Variants in RBX1 observed in about 807,000 individuals in gnomAD.
The protein encoded by RBX1 is E3 ubiquitin-protein ligase RBX1.
For synonymous variants in RBX1, 48 were observed against 47.9 expected, an observed-to-expected ratio of 1.00 and a Z score of -0.01; for missense variants, 46 against 141.4, an observed-to-expected ratio of 0.33 and a Z score of 3.42.
At chr22:40,972,299 G>A (rs2058371245) in intron 4 of RBX1, among the ~76,000 whole-genome samples, 177 bp from the exon 5 acceptor site, 1 of 152,198 alleles carries the variant, frequency 6.6e-6, no homozygotes, top group African/African-American at 2.4e-5. Flanking sequence ...GTAAGATGGG[G>A]AGGGGAAAGG....
intron 1 of RBX1, 85 bp downstream of exon 1, chr22:40,951,561 T>C (rs1453577622): frequency 7.5e-7 from 1 of 1,328,860 alleles, no homozygotes; most frequent in Non-Finnish European, 1.0e-6. Context: ...AGGCGCGGAG[T>C]AAAGGGTTTC....
intron 3 of RBX1, chr22:40,967,062 T>G (rs2058356264): frequency 6.6e-6 from 1 of 152,194 alleles, no homozygotes; most frequent in Non-Finnish European, 1.5e-5. Flanking sequence ...GTCTTGATTA[T>G]GAAATAAGCC....
At chr22:40,954,079 G>A (rs1008772633) in intron 2 of RBX1, among the ~76,000 whole-genome samples, 1 of 152,090 alleles carries the variant, frequency 6.6e-6, no homozygotes, top group African/African-American at 2.4e-5. Context: ...GACCAACCTG[G>A]CCAACATGGT....
At chr22:40,966,882 A>G (rs2058355789) in intron 3 of RBX1, 1 of 152,214 alleles carries the variant, frequency 6.6e-6, no homozygotes, top group Non-Finnish European at 1.5e-5. Flanking sequence ...CCTAATACGC[A>G]CATGAGCAGG....
rs533359261 is a variant in RBX1 at position 40,965,638 on chromosome 22, G to A, written c.228+1521G>A. On this transcript the variant is annotated intron_variant, in intron 3 of 4. Transcript: ENST00000216225. ...GTATTTTTAGTAGAGATGGGGTTTCGCCATGTTGGCCAGGCTGGTCTTAAA... is the reference window on the plus strand; with the variant it reads ...GTATTTTTAGTAGAGATGGGGTTTCACCATGTTGGCCAGGCTGGTCTTAAA... Among the ~76,000 whole-genome samples, 51 of 152,020 alleles carry A rather than the reference G, an allele frequency of 3.4e-4. No individual in the cohort carries two copies. The South Asian group carries it at 7.3e-3, about 22-fold the overall frequency.
chr22:40,971,290 C>T (rs1409438211), intron 4 of RBX1, among the ~76,000 whole-genome samples: 3 of 152,142 alleles, frequency 2.0e-5, no homozygotes, highest in South Asian at 2.1e-4. Context: ...TAATCTGATA[C>T]GATTGTTCTA....
intron 3 of RBX1, chr22:40,967,598 C>T: frequency 2.0e-6 from 1 of 499,036 alleles, no homozygotes; most frequent in South Asian, 2.5e-5. Context: ...GTAGTAATGA[C>T]ATTTCTAACA....
rs373497179 is a variant in RBX1 at position 40,972,463 on chromosome 22, C to T, written c.315-13C>T. ...TCTTGGAATTAATCAGAGTAATTTA[C>T]TTTGTCTTTCAGGTATGGGCACTAG... is the stretch of plus-strand genomic sequence containing the variant. On this transcript the variant is annotated splice_polypyrimidine_tract_variant and intron_variant, in intron 4 of 4. Coordinates refer to ENST00000216225, the MANE Select transcript of RBX1 (RefSeq NM_014248.4). 1.9e-5 allele frequency: 30 copies of T among 1,603,296 alleles called. No individual in the cohort carries two copies. In the African/African-American group the frequency reaches 3.6e-4, roughly 19 times the overall value.
Position 40,961,285 on chromosome 22 carries a change from G to C in RBX1, c.158-2762G>C, listed in dbSNP as rs1056909367. ...TTATTTCTAGAGATGAGATGTTGCTGTGTTGCCCAGCCTGGTCTTGAATTC... is the reference window on the plus strand; with the variant it reads ...TTATTTCTAGAGATGAGATGTTGCTCTGTTGCCCAGCCTGGTCTTGAATTC... On this transcript the variant is annotated intron_variant, in intron 2 of 4. Transcript: ENST00000216225. Among the ~76,000 whole-genome samples the C allele has an allele frequency of 1.9e-4, 29 of 151,044 alleles. 1 individual carries two copies. Among genetic ancestry groups the C allele is most frequent in the Non-Finnish European group, 1.5e-5 (1 of 67,770 alleles).
chr22:40,971,197 G>T (rs570960414), intron 4 of RBX1, among the ~76,000 whole-genome samples: 20 of 152,270 alleles, frequency 1.3e-4, no homozygotes, highest in African/African-American at 4.6e-4. Flanking sequence ...CTTATCTGGG[G>T]CTTTGACTCT....
intron 2 of RBX1, 83 bp downstream of exon 2, chr22:40,953,716 A>G (rs1178193696): frequency 1.1e-6 from 1 of 937,048 alleles, no homozygotes; most frequent in East Asian, 2.6e-5. Context: ...TTTCTTCTTC[A>G]CACGAGGAGA....
At chr22:40,964,007 C>A (rs2058347663) in intron 2 of RBX1, 40 bp from the exon 3 acceptor site, 4 of 1,523,588 alleles carry the variant, frequency 2.6e-6, no homozygotes, top group African/African-American at 2.7e-5. Context: ...AACGTTGCTG[C>A]TCCCAAGGTC....
chr22:40,954,629 T>C (rs2146296851), intron 2 of RBX1, among the ~76,000 whole-genome samples: 1 of 152,296 alleles, frequency 6.6e-6, no homozygotes, highest in South Asian at 2.1e-4. Flanking sequence ...AAAGAAACTT[T>C]AAGTTTCTAG....
chr22:40,962,699 T>C (rs1346764513), intron 2 of RBX1, among the ~76,000 whole-genome samples: 1 of 150,088 alleles, frequency 6.7e-6, no homozygotes, highest in Non-Finnish European at 1.5e-5. Context: ...TATTTTTATT[T>C]ATTTATTTTT....
chr22:40,962,313 G>T (rs1381716027), intron 2 of RBX1, among the ~76,000 whole-genome samples: 3 of 152,028 alleles, frequency 2.0e-5, no homozygotes, highest in Admixed American at 1.3e-4. Flanking sequence ...TGTTGGTCAG[G>T]CTGGTCTCGA....
chr22:40,968,425 A>C (rs2058359914), intron 4 of RBX1, among the ~76,000 whole-genome samples: 1 of 152,126 alleles, frequency 6.6e-6, no homozygotes, highest in Non-Finnish European at 1.5e-5. Context: ...TGAAAGTAGA[A>C]AATGTGATAA....
chr22:40,965,880 C>T (rs753512539), intron 3 of RBX1, among the ~76,000 whole-genome samples: 3 of 152,208 alleles, frequency 2.0e-5, no homozygotes, highest in Non-Finnish European at 4.4e-5. Flanking sequence ...TTTGCCCTTT[C>T]TGGCATACAG....
At chr22:40,967,730 G>A in intron 3 of RBX1, 69 bp from the exon 4 acceptor site, 1 of 1,269,926 alleles carries the variant, frequency 7.9e-7, no homozygotes, top group Non-Finnish European at 1.1e-6. Flanking sequence ...CTACCCTGTG[G>A]GACCTGTTGT....
At chr22:40,956,464 G>A (rs940721737) in intron 2 of RBX1, among the ~76,000 whole-genome samples, 6 of 145,516 alleles carry the variant, frequency 4.1e-5, no homozygotes, top group Admixed American at 7.1e-5. Context: ...ATTCTCCTGC[G>A]TCAGCCTCCC....
Sources: gnomAD v4.1 joint callset for allele counts (sites outside exome capture counted in the v4.1 genomes callset) on GRCh38, gnomAD v4.1.1 for gene constraint, MANE v1.5 for transcripts, NCBI Gene and HGNC (gene_info 2026-07-23, HGNC 2026-07-21) for gene names.